Variants in TBX5 observed in about 807,000 individuals in gnomAD.
TBX5 encodes the protein T-box transcription factor 5, also known as T-box transcription factor TBX5.
Under a neutral mutation model 51.1 loss-of-function variants are expected in TBX5, and 8 were observed. That is an observed-to-expected ratio of 0.16 (90% CI 0.09 to 0.28). The LOEUF (loss-of-function observed/expected upper bound fraction) is 0.28. Among genes scored for constraint, TBX5 ranks in the 10% least tolerant of loss-of-function variants. The pLI, the probability that TBX5 is intolerant of heterozygous loss-of-function variation, is 1.00. For missense variants in TBX5, 589 were observed against 671.7 expected, an observed-to-expected ratio of 0.88 and a Z score of 1.36; for synonymous variants, 302 against 266.4, an observed-to-expected ratio of 1.13 and a Z score of -1.30.
rs760434419 is a variant in TBX5, at chr12:114,398,633, C to A, written c.450G>T (p.Arg150Ser). Residue 150 changes from arginine to serine, a missense_variant, in exon 5 of 9, where the codon AGG becomes AGT. By Grantham distance (110) the Arg-to-Ser change is moderately radical (BLOSUM62 -1). Around this residue, in one of 7 missense-constraint regions of TBX5, gnomAD observed 85 missense variants for 95.6 expected, o/e 0.89. Transcript: ENST00000405440. ...DSPATGAHWM[R>S]QLVSFQKLKL... Reference sequence around the variant, plus strand: ...TGAGTTTCTGGAAGGAGACGAGCTGCCTCATCCAATGCGCCCCGGTGGCGG... The same window carrying A: ...TGAGTTTCTGGAAGGAGACGAGCTGACTCATCCAATGCGCCCCGGTGGCGG... The A allele has an allele frequency of 6.2e-7, 1 of 1,613,634 alleles. No homozygotes were observed. The highest frequency in any genetic ancestry group is 1.1e-5 in the South Asian group (1 of 90,820).
rs1870757606 is a variant in TBX5 at position 114,385,465 on chromosome 12, C to T, written c.755+11G>A. On this transcript the variant is annotated intron_variant, in intron 7 of 8. Transcript: ENST00000405440. ...GTGGGGAGGAGAAAGTTGAGGAATC[C>T]ACTTTCCTACCTTTGCATTCTTGAC... is the stretch of plus-strand genomic sequence containing the variant. 1.2e-6 allele frequency: 2 copies of T among 1,611,934 alleles called. No homozygotes were observed. The highest frequency in any genetic ancestry group is 2.2e-5 in the East Asian group (1 of 44,866).
intron 8 of TBX5, among the ~76,000 whole-genome samples, chr12:114,362,604 C>T (rs1196864322): frequency 6.6e-6 from 1 of 152,206 alleles, no homozygotes; most frequent in Non-Finnish European, 1.5e-5. Context: ...ACTGACACTC[C>T]AGTTTGATAT....
intron 7 of TBX5, among the ~76,000 whole-genome samples, chr12:114,373,218 C>T (rs1209464036): frequency 1.3e-5 from 2 of 152,204 alleles, no homozygotes; most frequent in African/African-American, 2.4e-5. Flanking sequence ...ATTCAAAAAA[C>T]GGTTTTGACT....
At chr12:114,361,117 A>G (rs967892812) in intron 8 of TBX5, among the ~76,000 whole-genome samples, 1 of 152,170 alleles carries the variant, frequency 6.6e-6, no homozygotes, top group Non-Finnish European at 1.5e-5. Context: ...CATCCATCCC[A>G]GATCTGCCAA....
chr12:114,380,962 C>G (rs1870472943), intron 7 of TBX5, among the ~76,000 whole-genome samples: 1 of 151,904 alleles, frequency 6.6e-6, no homozygotes, highest in Admixed American at 6.6e-5. Flanking sequence ...TCTAAATAAA[C>G]TTGGCACACC....
At position 114,401,892 on chromosome 12, in the gene TBX5, T is replaced by G; in HGVS notation, c.176A>C (p.His59Pro). 1 of 1,614,188 alleles carries G rather than the reference T, an allele frequency of 6.2e-7. No homozygotes were observed. Among genetic ancestry groups the G allele is most frequent in the Non-Finnish European group, 8.5e-7 (1 of 1,180,036 alleles). Residue 59 changes from histidine (H) to proline (P), a missense_variant, in exon 3 of 9, where the codon CAT (histidine) becomes CCT (proline). Physicochemically the swap from His to Pro is moderately conservative, Grantham distance 77 (BLOSUM62 -2). Transcript: ENST00000405440. ...GAATTTTAGCCACAGTTCTCTTTCA[T>G]GGAGAAACACTTTGATTCCCTCCAT... ...QGMEGIKVFLHERELWLKFHE... is the reference protein window; with the variant it reads ...QGMEGIKVFLPERELWLKFHE...
intron 8 of TBX5, among the ~76,000 whole-genome samples, chr12:114,365,334 C>T (rs1173564512): frequency 6.6e-6 from 1 of 152,028 alleles, no homozygotes; most frequent in Non-Finnish European, 1.5e-5. Flanking sequence ...ACCACTCAAG[C>T]AACCTCCCTG....
chr12:114,366,210 G>A lies in TBX5; in HGVS notation c.937C>T (p.Leu313=), dbSNP rs973631007. The A allele has an allele frequency of 5.6e-6, 9 of 1,614,118 alleles. No homozygotes were observed. The highest frequency in any genetic ancestry group is 5.3e-5 in the African/African-American group (4 of 75,008). ...DLLPPPNPYP[L]PQEHSQIYHC... is the part of the protein sequence containing the mutation. ...TAAATTTGGCTATGCTCCTGGGGCA[G>A]TGGGTATGGGTTGGGTGGAGGCAGG... Residue 313 remains leucine (L), a synonymous_variant, in exon 8 of 9, where the codon CTG becomes TTG. Coordinates refer to ENST00000405440, the MANE Select transcript of TBX5 (RefSeq NM_181486.4).
chr12:114,356,030 G>A lies in TBX5; in HGVS notation c.1059C>T (p.Phe353=). 6.2e-7 allele frequency: 1 copy of A among 1,614,124 alleles called. No homozygotes were observed. Among genetic ancestry groups the A allele is most frequent in the Non-Finnish European group, 8.5e-7 (1 of 1,180,034 alleles). The change falls in exon 9 of 9, where the codon TTC becomes TTT. Residue 353 remains phenylalanine (F), a synonymous_variant. Coordinates refer to ENST00000405440, the MANE Select transcript of TBX5 (RefSeq NM_181486.4). ...GCTGCTGTGGATAGCTAGAGCGGTA[G>A]AAGGAATCTTCTTCACTGGGTGATG... The part of the protein sequence containing the change: ...METSPSEEDS[F]YRSSYPQQQG...
At chr12:114,400,675 G>C (rs1324746217) in intron 3 of TBX5, among the ~76,000 whole-genome samples, 1 of 152,200 alleles carries the variant, frequency 6.6e-6, no homozygotes, top group African/African-American at 2.4e-5. Context: ...GCCTTTTATA[G>C]TTAAATCCTC....
chr12:114,384,225 T>A (rs1435890387), intron 7 of TBX5, among the ~76,000 whole-genome samples: 1 of 152,070 alleles, frequency 6.6e-6, no homozygotes, highest in Non-Finnish European at 1.5e-5. Context: ...TGCACAGATG[T>A]ACCACACTCC....
intron 7 of TBX5, among the ~76,000 whole-genome samples, chr12:114,370,248 G>A (rs4767238): frequency 3.6e-5 from 4 of 110,120 alleles, no homozygotes; most frequent in South Asian, 3.1e-4. Flanking sequence ...GAAAAGAAAA[G>A]AAAAGAAAAG....
chr12:114,381,452 G>A (rs960453720), intron 7 of TBX5, among the ~76,000 whole-genome samples: 1 of 152,166 alleles, frequency 6.6e-6, no homozygotes, highest in Non-Finnish European at 1.5e-5. Context: ...CAACCTGGGG[G>A]TTGGGAGAAT....
At chr12:114,360,654 G>A (rs190551910) in intron 8 of TBX5, among the ~76,000 whole-genome samples, 8 of 150,876 alleles carry the variant, frequency 5.3e-5, no homozygotes, top group African/African-American at 1.9e-4. Flanking sequence ...ATGAGTGGGT[G>A]GATGGATGAG....
At chr12:114,376,944 G>A (rs186404762) in intron 7 of TBX5, among the ~76,000 whole-genome samples, 9 of 152,168 alleles carry the variant, frequency 5.9e-5, no homozygotes, top group African/African-American at 1.7e-4. Flanking sequence ...GGAATGTGGC[G>A]GGGTTGGGTT....
intron 3 of TBX5, 122 bp from the exon 4 acceptor site, chr12:114,399,754 C>T: frequency 6.8e-7 from 1 of 1,472,822 alleles, no homozygotes; most frequent in Admixed American, 1.7e-5. Context: ...GAAACTAGCC[C>T]CGTTCCGCTC....
upstream of TBX5, chr12:114,407,761 C>G (rs142432686): frequency 2.8e-5 from 28 of 985,408 alleles, no homozygotes; most frequent in Middle Eastern, 5.2e-4. Flanking sequence ...CAAGGAGGGC[C>G]AAGTGCAAAG....
At chr12:114,368,941 G>A (rs774516611) in intron 7 of TBX5, among the ~76,000 whole-genome samples, 3 of 152,124 alleles carry the variant, frequency 2.0e-5, no homozygotes, top group Non-Finnish European at 4.4e-5. Context: ...CTGGGGCCAG[G>A]AGGCTGAAGG....
intron 5 of TBX5, among the ~76,000 whole-genome samples, chr12:114,395,334 C>A (rs944750252): frequency 6.6e-6 from 1 of 152,036 alleles, no homozygotes; most frequent in Non-Finnish European, 1.5e-5. Context: ...CCCCCACTCC[C>A]CAAATCTCTA....
Sources: allele counts gnomAD v4.1 joint callset (sites outside exome capture counted in the v4.1 genomes callset), GRCh38; gene constraint gnomAD v4.1.1; regional missense constraint gnomAD v4.1.1; transcripts MANE v1.5; gene names NCBI Gene and HGNC (gene_info 2026-07-23, HGNC 2026-07-21).